Variants in ATP10B observed in about 807,000 individuals in gnomAD.
The protein encoded by ATP10B is phospholipid-transporting ATPase VB.
A neutral mutation model predicts 141.2 loss-of-function variants in ATP10B; 122 were observed. The observed-to-expected ratio is 0.86, with a 90% CI of 0.75 to 1.00. The LOEUF (loss-of-function observed/expected upper bound fraction) is 1.00, where lower values mean the gene tolerates loss of function less well. Ranked by LOEUF, ATP10B falls within the 50% of genes least tolerant of loss-of-function variation. The probability of loss-of-function intolerance (pLI) is 0.00; values close to 1 mark genes in which losing one functional copy is unlikely to be tolerated. For synonymous variants in ATP10B, 685 were observed against 692.0 expected (o/e 0.99, Z 0.16); for missense variants, 1,876 against 1,825.3 (o/e 1.03, Z -0.51).
chr5:160,809,092 G>T (rs571115975), intron 1 of ATP10B, among the ~76,000 whole-genome samples: 1 of 152,254 alleles, frequency 6.6e-6, no homozygotes, highest in African/African-American at 2.4e-5. Context: ...AAGTGTATTA[G>T]ATTAATTTTA....
chr5:160,753,209 T>C (rs1035417884), intron 2 of ATP10B, among the ~76,000 whole-genome samples: 2 of 152,196 alleles, frequency 1.3e-5, no homozygotes, highest in African/African-American at 4.8e-5. Context: ...AAGTTTACAG[T>C]GAGGAAACGT....
At chr5:160,814,282 G>C (rs1178956005) in intron 1 of ATP10B, among the ~76,000 whole-genome samples, 1 of 152,180 alleles carries the variant, frequency 6.6e-6, no homozygotes, top group Non-Finnish European at 1.5e-5. Flanking sequence ...ATGCAGAGAA[G>C]TCCTTAAAGG....
intron 22 of ATP10B, among the ~76,000 whole-genome samples, chr5:160,594,985 G>A (rs1394405866): frequency 1.3e-5 from 2 of 152,164 alleles, no homozygotes; most frequent in Non-Finnish European, 2.9e-5. Flanking sequence ...ACAGATCAAT[G>A]AGACAGAAAG....
intron 1 of ATP10B, among the ~76,000 whole-genome samples, chr5:160,831,838 T>C (rs978376760): frequency 2.0e-5 from 3 of 152,150 alleles, no homozygotes; most frequent in African/African-American, 7.2e-5. Context: ...AGTTCCTTGA[T>C]CAAGATGTGT....
chr5:160,688,496 C>T (rs1044535825), intron 4 of ATP10B, among the ~76,000 whole-genome samples: 2 of 152,144 alleles, frequency 1.3e-5, no homozygotes, highest in African/African-American at 2.4e-5. Context: ...TGGGCTATGA[C>T]CCTGCAGGTC....
chr5:160,828,270 G>A (rs1027480409), intron 1 of ATP10B, among the ~76,000 whole-genome samples: 8 of 151,990 alleles, frequency 5.3e-5, no homozygotes, highest in Non-Finnish European at 1.2e-4. Context: ...AGAGTGAACA[G>A]GCAACCTACA....
the ATP10B span, among the ~76,000 whole-genome samples, chr5:160,921,270 CTTTGTTT>C: frequency 4.5e-4 from 66 of 147,100 alleles, 3 homozygotes; most frequent in South Asian, 8.4e-4. Flanking sequence ...CTATTCAGCA[CTTTGTTT>C]TTTTTTTTTT....
chr5:160,633,530 A>T lies in ATP10B; in HGVS notation c.1381+824T>A, dbSNP rs1047135584. 3 of 152,640 alleles carry T rather than the reference A, an allele frequency of 2.0e-5. No homozygotes were observed. In the East Asian group the frequency reaches 5.8e-4, roughly 30 times the overall value. 9.5% of individuals were successfully genotyped at this position (152,640 alleles called of 1,614,324 possible). On this transcript the variant is annotated intron_variant, in intron 12 of 25. Transcript: ENST00000327245. ...AGAACACATGGACATGGAGGGGAAC[A>T]TCACACACTGGAGCCCATCGGGGGG... is the stretch of plus-strand genomic sequence containing the variant.
upstream of ATP10B, among the ~76,000 whole-genome samples, chr5:160,855,076 A>AT (rs1244231394): frequency 3.9e-5 from 6 of 152,108 alleles, no homozygotes; most frequent in African/African-American, 7.2e-5. Context: ...GAATAGAAGT[A>AT]TTTTTCTAGA....
intron 1 of ATP10B, among the ~76,000 whole-genome samples, chr5:160,823,064 A>T (rs1390495495): frequency 1.4e-5 from 2 of 141,024 alleles, no homozygotes; most frequent in Non-Finnish European, 3.1e-5. Flanking sequence ...GGATTGTAAC[A>T]CAAAGGATAA....
At chr5:160,602,789 G>A in intron 20 of ATP10B, 87 bp from the exon 21 acceptor site, 1 of 1,578,394 alleles carries the variant, frequency 6.3e-7, no homozygotes, top group South Asian at 1.1e-5. Context: ...CTTTGGTCTA[G>A]GCCTACGGCC....
chr5:160,910,953 T>G, the ATP10B span, among the ~76,000 whole-genome samples: 1 of 152,196 alleles, frequency 6.6e-6, no homozygotes, highest in African/African-American at 2.4e-5. Context: ...TACTCTTAGT[T>G]CCCATGAGAG....
the ATP10B span, among the ~76,000 whole-genome samples, chr5:160,886,465 T>A: frequency 2.0e-5 from 3 of 152,102 alleles, no homozygotes; most frequent in African/African-American, 7.2e-5. Flanking sequence ...TGTGTTTGTA[T>A]TGGTGAGGGG....
intron 24 of ATP10B, among the ~76,000 whole-genome samples, chr5:160,574,048 A>G (rs1227783589): frequency 6.6e-6 from 1 of 152,212 alleles, no homozygotes; most frequent in Non-Finnish European, 1.5e-5. Context: ...AGAGTTTATG[A>G]TCTACTAACA....
At chr5:160,880,118 T>A in the ATP10B span, among the ~76,000 whole-genome samples, 2 of 147,976 alleles carry the variant, frequency 1.4e-5, no homozygotes, top group African/African-American at 4.9e-5. Flanking sequence ...AAAGAAATTA[T>A]GTAAAAGAAA....
intron 1 of ATP10B, among the ~76,000 whole-genome samples, chr5:160,788,096 C>T (rs1469935347): frequency 6.6e-6 from 1 of 152,188 alleles, no homozygotes; most frequent in African/African-American, 2.4e-5. Context: ...CCATTATAGG[C>T]ATTTGCTTTT....
At position 160,670,317 on chromosome 5, in the gene ATP10B, T is replaced by A; in HGVS notation, c.675+146A>T. 9.8e-6 allele frequency: 7 copies of A among 713,526 alleles called. No homozygotes were observed. In the South Asian group the frequency reaches 1.2e-4, roughly 12 times the overall value. 44.2% of individuals were successfully genotyped at this position (713,526 alleles called of 1,614,324 possible). Reference sequence around the variant, plus strand: ...AATATCCATCTCAGAGGGCTGCTGGTAGGATTTAGTGTATCTAAAGTGCTA... The same window carrying A: ...AATATCCATCTCAGAGGGCTGCTGGAAGGATTTAGTGTATCTAAAGTGCTA... On this transcript the variant is annotated intron_variant, in intron 7 of 25. Transcript: ENST00000327245.
chr5:160,669,900 A>G (rs1223444540), intron 7 of ATP10B, among the ~76,000 whole-genome samples: 1 of 68,372 alleles, frequency 1.5e-5, no homozygotes, highest in Non-Finnish European at 3.0e-5. Flanking sequence ...CATTGCACCC[A>G]GTGGAGACCC....
At chr5:160,673,564 C>A (rs1339164731) in intron 6 of ATP10B, among the ~76,000 whole-genome samples, 1 of 150,552 alleles carries the variant, frequency 6.6e-6, no homozygotes, top group Non-Finnish European at 1.5e-5. Context: ...TACCCATTAA[C>A]CATCCCCATC....
Sources: gnomAD v4.1 joint callset for allele counts (sites outside exome capture counted in the v4.1 genomes callset) on GRCh38, gnomAD v4.1.1 for gene constraint, MANE v1.5 for transcripts, NCBI Gene and HGNC (gene_info 2026-07-23, HGNC 2026-07-21) for gene names.